The following SLC3A1 variants were observed in gnomAD, a reference collection of about 807,000 sequenced individuals.
SLC3A1 encodes the protein solute carrier family 3 member 1, also known as amino acid transporter heavy chain SLC3A1.
SLC3A1 carries 78 observed loss-of-function variants against 60.3 expected under a neutral mutation model. That is an observed-to-expected ratio of 1.29 (90% CI 1.08 to 1.56). The LOEUF (loss-of-function observed/expected upper bound fraction) is 1.56, where lower values mean the gene tolerates loss of function less well. SLC3A1 is among the 40% of genes most tolerant of loss of function. The probability of loss-of-function intolerance (pLI) is 0.00; values close to 1 mark genes in which losing one functional copy is unlikely to be tolerated. For missense variants in SLC3A1, 1,172 were observed against 858.9 expected (o/e 1.36, Z -4.56); for synonymous variants, 392 against 307.9 (o/e 1.27, Z -2.86).
intron 4 of SLC3A1, among the ~76,000 whole-genome samples, chr2:44,287,835 C>G (rs781361558): frequency 5.9e-5 from 9 of 152,100 alleles, no homozygotes; most frequent in Non-Finnish European, 8.8e-5. Flanking sequence ...CAGCTCACCA[C>G]GTCAGCCAGA....
intron 5 of SLC3A1, 105 bp from the exon 6 acceptor site, chr2:44,300,898 C>G (rs540575563): frequency 1.5e-6 from 2 of 1,324,144 alleles, no homozygotes; most frequent in African/African-American, 1.4e-5. Context: ...GTGTGCGTCT[C>G]GCTTGGCTTG....
intron 6 of SLC3A1, among the ~76,000 whole-genome samples, chr2:44,301,881 G>A (rs993398048): frequency 2.0e-5 from 3 of 151,802 alleles, no homozygotes; most frequent in South Asian, 2.1e-4. Context: ...GCAACATGGC[G>A]AAACCCCTCC....
At chr2:44,280,642 C>A in intron 1 of SLC3A1, 74 bp from the exon 2 acceptor site, 2 of 998,882 alleles carry the variant, frequency 2.0e-6, no homozygotes, top group Non-Finnish European at 3.1e-6. Flanking sequence ...CTATCTTAGG[C>A]ATATTTGTTA....
chr2:44,315,167 T>G (rs1672397878), intron 9 of SLC3A1: 1 of 151,998 alleles, frequency 6.6e-6, no homozygotes, highest in African/African-American at 2.4e-5. Context: ...GGTTTCAAAC[T>G]CCTGATCTCA....
chr2:44,312,451 C>A, intron 7 of SLC3A1, 135 bp from the exon 8 acceptor site: 2 of 872,598 alleles, frequency 2.3e-6, no homozygotes, highest in Non-Finnish European at 3.8e-6. Flanking sequence ...AGGCCTAGGA[C>A]TCAAGTCCAG....
chr2:44,280,809 A>T lies in SLC3A1; in HGVS notation c.524A>T (p.Tyr175Phe), dbSNP rs776199547. The change falls in exon 2 of 10, where the codon TAT becomes TTT. Residue 175 changes from tyrosine to phenylalanine, a missense_variant. By Grantham distance (22) the Tyr-to-Phe change is conservative. Transcript: ENST00000260649. ...AAATCGTCCCTTAAAGATTTCAGAT[A>T]TGGTGTTGAAGATTTCCGGGAAGTT... Reference protein sequence around the residue: ...FYKSSLKDFRYGVEDFREVDP... With the variant: ...FYKSSLKDFRFGVEDFREVDP... 3.7e-6 allele frequency: 6 copies of T among 1,613,542 alleles called. No individual in the cohort carries two copies. In the Admixed American group the frequency reaches 1.0e-4, roughly 27 times the overall value.
At chr2:44,316,714 G>A (rs1051947530) in intron 9 of SLC3A1, among the ~76,000 whole-genome samples, 1 of 152,174 alleles carries the variant, frequency 6.6e-6, no homozygotes, top group East Asian at 1.9e-4. Flanking sequence ...ACTAGCATCA[G>A]ACTTCTCAAT....
Position 44,275,890 on chromosome 2 carries a change from C to G in SLC3A1, c.355C>G (p.Gln119Glu). Residue 119 changes from glutamine (Q) to glutamate (E), a missense_variant, in exon 1 of 10, where the codon CAG (glutamine) becomes GAG (glutamate). Transcript: ENST00000260649. ...ALSPKCLDWW[Q>E]EGPMYQIYPR... is the part of the protein sequence containing the mutation. The stretch of plus-strand genomic sequence containing the variant: ...CTCTCCAAAGTGCCTAGACTGGTGG[C>G]AGGAGGGGCCCATGTACCAGATCTA... 6.2e-7 allele frequency: 1 copy of G among 1,613,972 alleles called. No homozygotes were observed. The highest frequency in any genetic ancestry group is 8.5e-7 in the Non-Finnish European group (1 of 1,179,966).
At chr2:44,282,595 A>C (rs551239998) in intron 3 of SLC3A1, among the ~76,000 whole-genome samples, 15 of 152,290 alleles carry the variant, frequency 9.8e-5, no homozygotes, top group African/African-American at 3.4e-4. Flanking sequence ...TTGGACAAGC[A>C]GTGCATAAAA....
At chr2:44,292,013 A>G (rs1473020395) in intron 4 of SLC3A1, among the ~76,000 whole-genome samples, 1 of 152,148 alleles carries the variant, frequency 6.6e-6, no homozygotes, top group Non-Finnish European at 1.5e-5. Flanking sequence ...ATAATACTTT[A>G]TACTTTCCCA....
At chr2:44,283,207 A>T (rs946169837) in intron 3 of SLC3A1, among the ~76,000 whole-genome samples, 1 of 152,100 alleles carries the variant, frequency 6.6e-6, no homozygotes. Flanking sequence ...CTCAGAATTG[A>T]TATATTTGCA....
downstream of SLC3A1, chr2:44,321,788 T>C (rs1672981204): frequency 5.0e-6 from 8 of 1,613,662 alleles, no homozygotes; most frequent in South Asian, 8.8e-5. Flanking sequence ...ATGTATCTAG[T>C]TCGGGAATCT....
intron 6 of SLC3A1, among the ~76,000 whole-genome samples, chr2:44,301,592 A>G (rs1572805195): frequency 6.6e-6 from 1 of 152,014 alleles, no homozygotes; most frequent in East Asian, 1.9e-4. Context: ...TACAAAAATT[A>G]GCTGGGTGTG....
chr2:44,277,100 C>CT (rs375332046), intron 1 of SLC3A1, among the ~76,000 whole-genome samples: 28 of 132,692 alleles, frequency 2.1e-4, no homozygotes, highest in Non-Finnish European at 3.2e-4. Flanking sequence ...CATTCTCTCT[C>CT]TTCTTTTTTT....
At chr2:44,307,398 C>T (rs1672184699) in intron 7 of SLC3A1, among the ~76,000 whole-genome samples, 7 of 152,146 alleles carry the variant, frequency 4.6e-5, no homozygotes, top group Admixed American at 4.6e-4. Flanking sequence ...CTACATTTAA[C>T]TATTTGAGGA....
intron 1 of SLC3A1, among the ~76,000 whole-genome samples, chr2:44,276,802 A>G (rs1230765588): frequency 6.6e-6 from 1 of 152,230 alleles, no homozygotes; most frequent in Admixed American, 6.5e-5. Flanking sequence ...TCAAACCAGA[A>G]CATACTTCAG....
chr2:44,292,780 G>A (rs900237542), intron 4 of SLC3A1, among the ~76,000 whole-genome samples: 6 of 152,170 alleles, frequency 3.9e-5, no homozygotes, highest in Non-Finnish European at 8.8e-5. Flanking sequence ...TATAGAGCAG[G>A]GAGTGACCCG....
chr2:44,314,217 C>T (rs1672368372), intron 9 of SLC3A1: 2 of 807,934 alleles, frequency 2.5e-6, no homozygotes, highest in South Asian at 4.0e-5. Context: ...GGCCTTTGAG[C>T]TATGAAGGAA....
In SLC3A1 at chr2:44,312,633, G is replaced by A; in HGVS notation, c.1380G>A (p.Gln460=). The change falls in exon 8 of 10, where the codon CAG becomes CAA. Residue 460 remains glutamine, a synonymous_variant. Coordinates refer to ENST00000260649, the MANE Select transcript of SLC3A1 (RefSeq NM_000341.4). ...SSRLTSRLGN[Q]YVNVMNMLLF... ...GGCTGACTTCGCGTTTGGGGAATCA[G>A]TATGTCAACGTGATGAACATGCTTC... The A allele has an allele frequency of 6.2e-7, 1 of 1,613,948 alleles. No homozygotes were observed. Among genetic ancestry groups the A allele is most frequent in the African/African-American group, 1.3e-5 (1 of 75,016 alleles).
Sources: allele counts gnomAD v4.1 joint callset (sites outside exome capture counted in the v4.1 genomes callset), GRCh38; gene constraint gnomAD v4.1.1; transcripts MANE v1.5; gene names NCBI Gene and HGNC (gene_info 2026-07-23, HGNC 2026-07-21).